The following GRK7 variants were observed in gnomAD, a reference collection of about 807,000 sequenced individuals.
GRK7 encodes G protein-coupled receptor kinase 7, also known as rhodopsin kinase GRK7.
A neutral mutation model predicts 34.1 loss-of-function variants in GRK7; 24 were observed. That is an observed-to-expected ratio of 0.70 (90% CI 0.51 to 0.99). The LOEUF is 0.99. Ranked by LOEUF, GRK7 falls within the 50% of genes least tolerant of loss-of-function variation. The pLI, the probability that GRK7 is intolerant of heterozygous loss-of-function variation, is 0.00. For synonymous variants in GRK7, 256 were observed against 279.4 expected (o/e 0.92, Z 0.84); for missense variants, 644 against 707.3 (o/e 0.91, Z 1.02).
intron 4 of GRK7, among the ~76,000 whole-genome samples, chr3:141,795,498 A>G (rs897179258): frequency 6.6e-6 from 1 of 152,194 alleles, no homozygotes; most frequent in Admixed American, 6.5e-5. Context: ...GTGTGGAGTC[A>G]TGAGGTGGGA....
chr3:141,762,617 C>T (rs1376404787), upstream of GRK7, among the ~76,000 whole-genome samples: 1 of 151,568 alleles, frequency 6.6e-6, no homozygotes, highest in African/African-American at 2.4e-5. Context: ...GGCAGGCAGG[C>T]CTCCTTGAGC....
intron 4 of GRK7, among the ~76,000 whole-genome samples, chr3:141,783,172 C>T (rs1342229016): frequency 1.3e-5 from 2 of 152,186 alleles, no homozygotes; most frequent in Admixed American, 1.3e-4. Context: ...AGGAGCTTTC[C>T]CTGAAGCTCC....
intron 5 of GRK7, 152 bp downstream of exon 5, chr3:141,808,071 T>G (rs1711055137): frequency 1.5e-6 from 1 of 671,508 alleles, no homozygotes; most frequent in African/African-American, 1.8e-5. Context: ...TTTCTAATAC[T>G]TTCAAACACT....
chr3:141,756,425 C>A, the GRK7 span, among the ~76,000 whole-genome samples: 1 of 152,072 alleles, frequency 6.6e-6, no homozygotes, highest in African/African-American at 2.4e-5. Context: ...CAAAAGACTA[C>A]TTAACTGTAT....
intron 5 of GRK7, among the ~76,000 whole-genome samples, chr3:141,814,662 TTGTGAATGGTGC>T (rs1477353906): frequency 6.6e-6 from 1 of 152,250 alleles, no homozygotes; most frequent in African/African-American, 2.4e-5. Flanking sequence ...GTCTTTGCTA[TTGTGAATGGTGC>T]TGTGATGAAC....
At chr3:141,757,052 G>A in the GRK7 span, among the ~76,000 whole-genome samples, 3 of 150,470 alleles carry the variant, frequency 2.0e-5, no homozygotes, top group Non-Finnish European at 4.4e-5. Flanking sequence ...ATTATAAGAC[G>A]AAAATTTTAG....
At chr3:141,814,143 G>C (rs1216092741) in intron 5 of GRK7, among the ~76,000 whole-genome samples, 1 of 152,124 alleles carries the variant, frequency 6.6e-6, no homozygotes, top group Non-Finnish European at 1.5e-5. Flanking sequence ...AAATGTAAAG[G>C]AGAGACCATG....
intron 5 of GRK7, among the ~76,000 whole-genome samples, chr3:141,812,588 G>A (rs1050429770): frequency 5.9e-5 from 9 of 152,234 alleles, no homozygotes; most frequent in Non-Finnish European, 1.3e-4. Flanking sequence ...CCCTCCAGGG[G>A]CATCTAGTTG....
intron 5 of GRK7, among the ~76,000 whole-genome samples, chr3:141,814,920 GT>G (rs33965909): frequency 0.049 from 5,954 of 120,320 alleles, 105 homozygotes; most frequent in South Asian, 0.084. Flanking sequence ...TTGTTGGTTG[GT>G]TTTTTTTTTT....
rs920886190 is a variant in GRK7, at chr3:141,765,379, G to C, written c.-574G>C. Reference sequence around the variant, plus strand: ...ATTTAAAAGTGAAGCCTTCTCCCTGGTGTATCTCAGCACTTCCCTTCTCCT... The same window carrying C: ...ATTTAAAAGTGAAGCCTTCTCCCTGCTGTATCTCAGCACTTCCCTTCTCCT... On this transcript the variant is annotated 5_prime_UTR_variant, in exon 1 of 6. Coordinates refer to ENST00000682958, the MANE Select transcript of GRK7 (RefSeq NM_139209.3). Among the ~76,000 whole-genome samples, 2 of 152,014 alleles carry C rather than the reference G, an allele frequency of 1.3e-5. No homozygotes were observed. Among genetic ancestry groups the C allele is most frequent in the Non-Finnish European group, 2.9e-5 (2 of 68,016 alleles).
chr3:141,805,113 C>T (rs1311684925), intron 4 of GRK7, among the ~76,000 whole-genome samples: 1 of 152,004 alleles, frequency 6.6e-6, no homozygotes, highest in East Asian at 1.9e-4. Context: ...ATCACATACA[C>T]ACACAATCAG....
chr3:141,805,058 C>CCACA (rs3057590), intron 4 of GRK7, among the ~76,000 whole-genome samples: 1 of 149,880 alleles, frequency 6.7e-6, no homozygotes, highest in East Asian at 2.0e-4. Flanking sequence ...ACTCATATGC[C>CCACA]CACACACACA....
chr3:141,816,839 C>G lies in GRK7; in HGVS notation c.1451C>G (p.Ala484Gly), dbSNP rs1275841804. The G allele has an allele frequency of 1.2e-6, 2 of 1,613,800 alleles. No homozygotes were observed. Among genetic ancestry groups the G allele is most frequent in the East Asian group, 2.2e-5 (1 of 44,886 alleles). Residue 484 changes from alanine to glycine, a missense_variant, in exon 6 of 6, where the codon GCT (alanine) becomes GGT (glycine). Coordinates refer to ENST00000682958, the MANE Select transcript of GRK7 (RefSeq NM_139209.3). ...TCAGTGGTTTATGCCAAAGACATCG[C>G]TGAAATTGATGATTTCTCTGAGGTT... ...DPSVVYAKDIAEIDDFSEVRG... is the reference protein window; with the variant it reads ...DPSVVYAKDIGEIDDFSEVRG...
At chr3:141,797,209 G>T (rs1710894148) in intron 4 of GRK7, among the ~76,000 whole-genome samples, 1 of 152,228 alleles carries the variant, frequency 6.6e-6, no homozygotes, top group Admixed American at 6.5e-5. Context: ...GGGAGAGCAG[G>T]AAGCCGCCTC....
intron 3 of GRK7, among the ~76,000 whole-genome samples, chr3:141,779,409 C>CAAAAAAAAAA (rs10626329): frequency 2.4e-4 from 23 of 96,452 alleles, no homozygotes; most frequent in East Asian, 9.2e-4. Context: ...GAGCAAGACT[C>CAAAAAAAAAA]AAAAAAAAAA....
chr3:141,805,366 A>G (rs1187957553), intron 4 of GRK7, among the ~76,000 whole-genome samples: 6 of 152,232 alleles, frequency 3.9e-5, no homozygotes, highest in Non-Finnish European at 8.8e-5. Context: ...AAAACATGGC[A>G]TGCACCAGGT....
chr3:141,755,457 C>T, the GRK7 span, among the ~76,000 whole-genome samples: 1 of 152,120 alleles, frequency 6.6e-6, no homozygotes, highest in African/African-American at 2.4e-5. Context: ...TGTGGTCGGT[C>T]AACAGAATAC....
chr3:141,772,312 C>T, intron 1 of GRK7, among the ~76,000 whole-genome samples: 1 of 152,150 alleles, frequency 6.6e-6, no homozygotes, highest in East Asian at 1.9e-4. Context: ...CCAGGCTGGT[C>T]TCAAACTCCT....
At chr3:141,752,020 T>G in the GRK7 span, among the ~76,000 whole-genome samples, 1 of 152,224 alleles carries the variant, frequency 6.6e-6, no homozygotes, top group Non-Finnish European at 1.5e-5. Context: ...ACATGTGCCT[T>G]ACTTTACTAA....
Sources: gnomAD v4.1 joint callset for allele counts (sites outside exome capture counted in the v4.1 genomes callset) on GRCh38, gnomAD v4.1.1 for gene constraint, MANE v1.5 for transcripts, NCBI Gene and HGNC (gene_info 2026-07-23, HGNC 2026-07-21) for gene names.